Variants in GFPT2 observed in about 807,000 individuals in gnomAD.
The protein encoded by GFPT2 is glutamine--fructose-6-phosphate transaminase 2.
GFPT2 carries 62 observed loss-of-function variants against 85.6 expected under a neutral mutation model. The observed-to-expected ratio is 0.72, with a 90% CI of 0.59 to 0.90. The LOEUF is 0.90. GFPT2 is among the 40% of genes least tolerant of loss of function. The pLI is 0.00. For synonymous variants in GFPT2, 368 were observed against 344.5 expected (o/e 1.07, Z -0.75); for missense variants, 788 against 893.4 (o/e 0.88, Z 1.50).
At chr5:180,306,177 C>A (rs1464282740) in intron 16 of GFPT2, among the ~76,000 whole-genome samples, 1 of 151,846 alleles carries the variant, frequency 6.6e-6, no homozygotes, top group Non-Finnish European at 1.5e-5. Context: ...TAGAGATGGG[C>A]TTTTACCATG....
intron 15 of GFPT2, among the ~76,000 whole-genome samples, chr5:180,310,809 G>A (rs1763865350): frequency 8.9e-6 from 1 of 112,076 alleles, no homozygotes. Context: ...AGCCACCACT[G>A]CCTTTGCAAA....
Position 180,318,998 on chromosome 5 carries a change from G to A in GFPT2, c.795-42C>T. On this transcript the variant is annotated intron_variant, in intron 9 of 18. Transcript: ENST00000253778. This position sits in a 1 kb window ranked among gnomAD's most constrained non-coding sequence, Gnocchi z 4.2. Reference sequence around the variant, plus strand: ...AGGCATCATCAGTGCCCTGCCCTGAGCAGTTACGAGGCAGCAGCCCCTTGC... The same window carrying A: ...AGGCATCATCAGTGCCCTGCCCTGAACAGTTACGAGGCAGCAGCCCCTTGC... 1 of 1,583,838 alleles carries A rather than the reference G, an allele frequency of 6.3e-7. No individual in the cohort carries two copies. Among genetic ancestry groups the A allele is most frequent in the Non-Finnish European group, 8.6e-7 (1 of 1,160,192 alleles).
chr5:180,336,448 G>C, intron 3 of GFPT2, 31 bp downstream of exon 3: 1 of 1,199,488 alleles, frequency 8.3e-7, no homozygotes, highest in African/African-American at 1.5e-5. Flanking sequence ...GCGCTGCAGC[G>C]GCTCCTCCCA....
At chr5:180,315,380 G>T (rs1363728813) in intron 13 of GFPT2, among the ~76,000 whole-genome samples, 1 of 152,078 alleles carries the variant, frequency 6.6e-6, no homozygotes, top group African/African-American at 2.4e-5. Context: ...GGGTTTCACT[G>T]TGTGAGCCAG....
chr5:180,317,133 A>C, intron 10 of GFPT2, 75 bp from the exon 11 acceptor site: 1 of 970,652 alleles, frequency 1.0e-6, no homozygotes, highest in Non-Finnish European at 1.7e-6. Flanking sequence ...AGCGATAGTA[A>C]CTCCTGTAAA....
rs552846107 is a variant in GFPT2, at chr5:180,304,798, C to T, written c.1816G>A (p.Ala606Thr). ...KDPCFAKCQN[A>T]LQQVTARQGR... ...TGGCGGGCCGTGACTTGCTGCAGGG[C>T]GTTCTGGCATTTGGCGAAGCAAGGA... Residue 606 changes from alanine (A) to threonine (T), a missense_variant, in exon 17 of 19, where the codon GCC becomes ACC. By Grantham distance (58) the Ala-to-Thr change is moderately conservative (BLOSUM62 0). Coordinates refer to ENST00000253778, the MANE Select transcript of GFPT2 (RefSeq NM_005110.4). The T allele has an allele frequency of 5.0e-6, 8 of 1,613,732 alleles. No homozygotes were observed. Among genetic ancestry groups the T allele is most frequent in the East Asian group, 4.5e-5 (2 of 44,888 alleles).
intron 15 of GFPT2, among the ~76,000 whole-genome samples, 184 bp from the exon 16 acceptor site, chr5:180,307,487 G>T (rs1159182239): frequency 6.6e-6 from 1 of 152,232 alleles, no homozygotes; most frequent in Non-Finnish European, 1.5e-5. Flanking sequence ...CCAGGATTCT[G>T]TTAGGATGGG....
At chr5:180,305,899 C>T (rs1281116780) in intron 16 of GFPT2, among the ~76,000 whole-genome samples, 1 of 152,086 alleles carries the variant, frequency 6.6e-6, no homozygotes, top group African/African-American at 2.4e-5. Flanking sequence ...CCTGCACTCC[C>T]CACCAAGACC....
Position 180,348,639 on chromosome 5 carries a change from T to C in GFPT2, c.7+4572A>G, listed in dbSNP as rs144683614. ...CAGCCCCAGACTGCCCCAGGCCTCT[T>C]TGGGACCCCAGGAGTTAAAGTGACC... On this transcript the variant is annotated intron_variant, in intron 1 of 18. Transcript: ENST00000253778. 1.4e-4 allele frequency among the ~76,000 whole-genome samples: 21 copies of C among 152,222 alleles called. 1 individual carries two copies. The highest frequency in any genetic ancestry group is 5.1e-4 in the African/African-American group (21 of 41,546).
Position 180,318,703 on chromosome 5 carries a change from G to T in GFPT2, c.958+90C>A. ...GGCCACAGAGGGCAGGAGGGCTGTG[G>T]CCTCTACTAGGACCAGGCAGAGTGT... On this transcript the variant is annotated intron_variant, in intron 10 of 18. Coordinates refer to ENST00000253778, the MANE Select transcript of GFPT2 (RefSeq NM_005110.4). This position sits in a 1 kb window ranked among gnomAD's most constrained non-coding sequence, Gnocchi z 4.2. 2 of 1,121,166 alleles carry T rather than the reference G, an allele frequency of 1.8e-6. No homozygotes were observed. The highest frequency in any genetic ancestry group is 2.6e-6 in the Non-Finnish European group (2 of 768,690). The allele number at this position is 1,121,166 out of a possible 1,614,324, so 69.5% of individuals were successfully genotyped here.
chr5:180,352,893 C>A, intron 1 of GFPT2: 2 of 452,256 alleles, frequency 4.4e-6, no homozygotes, highest in Non-Finnish European at 7.8e-6. Context: ...GTGGGGACCC[C>A]TCTGTTACGG....
rs1019708168 is a variant in GFPT2, at chr5:180,352,631, G to C, written c.7+580C>G. The C allele has an allele frequency of 6.7e-6, 3 of 448,692 alleles. No homozygotes were observed. In the Admixed American group the frequency reaches 7.1e-5, roughly 11 times the overall value. 27.8% of individuals were successfully genotyped at this position (448,692 alleles called of 1,614,324 possible). ...CGCAAAGAGGCGGTAACGCGGCAGC[G>C]ACCCTTCTAGGGACCAGACGTTCCT... On this transcript the variant is annotated intron_variant, in intron 1 of 18. Coordinates refer to ENST00000253778, the MANE Select transcript of GFPT2 (RefSeq NM_005110.4).
rs532700634 is a variant in GFPT2, at chr5:180,305,383, G to A, written c.1675-444C>T. On this transcript the variant is annotated intron_variant, in intron 16 of 18. Transcript: ENST00000253778. ...GCCCATTAATAACTTCTAAAGAGTG[G>A]TTCCAAGCAAAATCACACAAACTGG... 2.0e-5 allele frequency among the ~76,000 whole-genome samples: 3 copies of A among 152,316 alleles called. No individual in the cohort carries two copies. The East Asian group carries it at 5.8e-4, about 29-fold the overall frequency.
intron 16 of GFPT2, 134 bp from the exon 17 acceptor site, chr5:180,305,073 T>TG: frequency 1.5e-6 from 1 of 687,612 alleles, no homozygotes; most frequent in Non-Finnish European, 2.6e-6. Flanking sequence ...GGCAGACAGA[T>TG]GCCTGGAGTG....
At position 180,318,514 on chromosome 5, in the gene GFPT2, C is replaced by T. The variant is rs546520291; in HGVS notation, c.958+279G>A. 18 of 430,736 alleles carry T rather than the reference C, an allele frequency of 4.2e-5. No homozygotes were observed. The highest frequency in any genetic ancestry group is 3.8e-4 in the South Asian group (13 of 34,426). 26.7% of individuals were successfully genotyped at this position (430,736 alleles called of 1,614,324 possible). ...GATGCCTGAGGGTGGGCATGTGTCCCGCGGAGTCGGTGAAGGAAGGCAGCT... is the reference window on the plus strand; with the variant it reads ...GATGCCTGAGGGTGGGCATGTGTCCTGCGGAGTCGGTGAAGGAAGGCAGCT... On this transcript the variant is annotated intron_variant, in intron 10 of 18. Transcript: ENST00000253778. This position sits in a 1 kb window ranked among gnomAD's most constrained non-coding sequence, Gnocchi z 4.2.
At chr5:180,338,222 G>A (rs752066962) in intron 2 of GFPT2, among the ~76,000 whole-genome samples, 2 of 152,338 alleles carry the variant, frequency 1.3e-5, no homozygotes, top group Non-Finnish European at 1.5e-5. Flanking sequence ...ACTTACTCAT[G>A]CTGCATGACT....
intron 9 of GFPT2, among the ~76,000 whole-genome samples, chr5:180,319,246 A>C (rs1764073736): frequency 6.6e-6 from 1 of 152,222 alleles, no homozygotes; most frequent in Non-Finnish European, 1.5e-5. Context: ...TACCATAATC[A>C]TATCTAAAAT....
chr5:180,347,066 G>C (rs1184326106), intron 1 of GFPT2, among the ~76,000 whole-genome samples: 1 of 152,238 alleles, frequency 6.6e-6, no homozygotes, highest in Non-Finnish European at 1.5e-5. Context: ...GATGGACCCA[G>C]CCAGGTGGGG....
chr5:180,344,411 A>C (rs970605522), intron 1 of GFPT2, among the ~76,000 whole-genome samples: 1 of 152,156 alleles, frequency 6.6e-6, no homozygotes, highest in Non-Finnish European at 1.5e-5. Flanking sequence ...GGTGATGAGT[A>C]CATCACCATT....
Sources: allele counts gnomAD v4.1 joint callset (sites outside exome capture counted in the v4.1 genomes callset), GRCh38; gene constraint gnomAD v4.1.1; non-coding constraint Gnocchi (gnomAD v3.1); transcripts MANE v1.5; gene names NCBI Gene and HGNC (gene_info 2026-07-23, HGNC 2026-07-21).